Variants in MACROD2 observed in about 807,000 individuals in gnomAD.
The protein encoded by MACROD2 is ADP-ribose glycohydrolase MACROD2.
MACROD2 carries 36 observed loss-of-function variants against 70.4 expected under a neutral mutation model. The observed-to-expected ratio is 0.51, with a 90% CI of 0.39 to 0.68. The LOEUF is 0.68. Ranked by LOEUF, MACROD2 falls within the 30% of genes least tolerant of loss-of-function variation. The pLI is 0.00. For missense variants in MACROD2, 496 were observed against 538.4 expected, an observed-to-expected ratio of 0.92 and a Z score of 0.78; for synonymous variants, 172 against 178.8, an observed-to-expected ratio of 0.96 and a Z score of 0.30.
chr20:14,337,004 C>T (rs1222583913), intron 3 of MACROD2, among the ~76,000 whole-genome samples: 1 of 152,170 alleles, frequency 6.6e-6, no homozygotes, highest in Non-Finnish European at 1.5e-5. Context: ...TTTTCTTTCA[C>T]AGTTGTAAAA....
At chr20:14,843,893 T>G (rs2073112109) in intron 5 of MACROD2, among the ~76,000 whole-genome samples, 1 of 152,122 alleles carries the variant, frequency 6.6e-6, no homozygotes, top group Admixed American at 6.6e-5. Flanking sequence ...CCCTATGTTC[T>G]GATGCTTGCA....
rs143282397 is a variant in MACROD2 at position 14,822,302 on chromosome 20, A to G, written c.418+137343A>G. On this transcript the variant is annotated intron_variant, in intron 5 of 17. Coordinates refer to ENST00000684519, the MANE Select transcript of MACROD2 (RefSeq NM_001351661.2). ...GAAAACCCATAAGATATTGTTCCAC[A>G]TAAGATGGATAACTTTCCACTGAAG... Among the ~76,000 whole-genome samples the G allele has an allele frequency of 3.6e-4, 55 of 152,276 alleles. No homozygotes were observed. The East Asian group carries it at 0.01, about 28-fold the overall frequency.
At position 15,348,666 on chromosome 20, in the gene MACROD2, T is replaced by A. The variant is rs563454576; in HGVS notation, c.541-82739T>A. ...AGGAGGAGCAAAATCACATCTTACA[T>A]GGTGGGAAGCAAGAGAGAGCTTGTG... On this transcript the variant is annotated intron_variant, in intron 6 of 17. Coordinates refer to ENST00000684519, the MANE Select transcript of MACROD2 (RefSeq NM_001351661.2). Among the ~76,000 whole-genome samples, 4 of 152,222 alleles carry A rather than the reference T, an allele frequency of 2.6e-5. No individual in the cohort carries two copies. The South Asian group carries it at 8.3e-4, about 32-fold the overall frequency.
chr20:15,348,633 G>T (rs907724439), intron 6 of MACROD2, among the ~76,000 whole-genome samples: 12 of 152,154 alleles, frequency 7.9e-5, no homozygotes, highest in Non-Finnish European at 1.8e-4. Context: ...AATCATGGCG[G>T]AAGGCAAAGG....
chr20:14,039,862 A>G (rs1390991516), intron 2 of MACROD2, among the ~76,000 whole-genome samples: 2 of 151,844 alleles, frequency 1.3e-5, no homozygotes, highest in African/African-American at 4.8e-5. Flanking sequence ...ATTGAAGACT[A>G]CGCATTTACC....
At chr20:15,605,887 T>C (rs946492551) in intron 8 of MACROD2, among the ~76,000 whole-genome samples, 18 of 152,290 alleles carry the variant, frequency 1.2e-4, no homozygotes, top group African/African-American at 4.3e-4. Flanking sequence ...TATATTTCTA[T>C]TTCTAAGTTA....
chr20:14,144,302 C>T (rs1480293406), intron 3 of MACROD2, among the ~76,000 whole-genome samples: 1 of 152,034 alleles, frequency 6.6e-6, no homozygotes, highest in African/African-American at 2.4e-5. Flanking sequence ...TGTCAATCAC[C>T]GCTTTTTATA....
intron 5 of MACROD2, among the ~76,000 whole-genome samples, chr20:15,208,289 C>T (rs1284939106): frequency 6.6e-6 from 1 of 152,076 alleles, no homozygotes; most frequent in African/African-American, 2.4e-5. Context: ...TACATCTTCT[C>T]TTCTTTGCTG....
intron 3 of MACROD2, among the ~76,000 whole-genome samples, chr20:14,120,966 A>G (rs1017098972): frequency 6.6e-6 from 1 of 151,816 alleles, no homozygotes; most frequent in Non-Finnish European, 1.5e-5. Context: ...ACAAACCATC[A>G]TTACACATGT....
intron 3 of MACROD2, among the ~76,000 whole-genome samples, chr20:14,222,698 T>TATTATTGTTAGATGCG (rs1385987325): frequency 3.3e-5 from 5 of 152,022 alleles, no homozygotes; most frequent in African/African-American, 9.6e-5. Context: ...AAAAGGTGGA[T>TATTATTGTTAGATGCG]ATTATTGTTA....
At chr20:15,292,833 T>A (rs1025226221) in intron 6 of MACROD2, among the ~76,000 whole-genome samples, 7 of 152,234 alleles carry the variant, frequency 4.6e-5, no homozygotes, top group Non-Finnish European at 8.8e-5. Flanking sequence ...CAACTGTATT[T>A]TTTTTCATTT....
At chr20:15,045,719 G>GTTTTTTTTTTTTTTT (rs71335981) in intron 5 of MACROD2, among the ~76,000 whole-genome samples, 3 of 73,402 alleles carry the variant, frequency 4.1e-5, no homozygotes, top group Non-Finnish European at 7.5e-5. Flanking sequence ...CCAGACCAGG[G>GTTTTTTTTTTTTTTT]TTTTTTTTTT....
intron 8 of MACROD2, among the ~76,000 whole-genome samples, chr20:15,512,196 A>G (rs1028857794): frequency 3.3e-5 from 5 of 152,232 alleles, no homozygotes; most frequent in Non-Finnish European, 7.3e-5. Context: ...ACTCACAAGC[A>G]CTTGACATGG....
intron 5 of MACROD2, among the ~76,000 whole-genome samples, chr20:15,183,158 A>G (rs771477148): frequency 9.9e-5 from 15 of 152,132 alleles, no homozygotes; most frequent in Non-Finnish European, 1.9e-4. Flanking sequence ...GTGTTAAGTA[A>G]GAGGGAAGAT....
chr20:14,214,020 G>GC (rs2081593176), intron 3 of MACROD2, among the ~76,000 whole-genome samples: 1 of 152,102 alleles, frequency 6.6e-6, no homozygotes, highest in African/African-American at 2.4e-5. Flanking sequence ...CTTATCTTAA[G>GC]ATGGTTTTGG....
chr20:15,439,825 G>A (rs1007034553), intron 7 of MACROD2, among the ~76,000 whole-genome samples: 1 of 152,116 alleles, frequency 6.6e-6, no homozygotes, highest in Non-Finnish European at 1.5e-5. Context: ...GCCTCGTTTG[G>A]TCAAATACCA....
chr20:15,952,357 A>G (rs2065918372), intron 12 of MACROD2, among the ~76,000 whole-genome samples: 1 of 151,992 alleles, frequency 6.6e-6, no homozygotes, highest in African/African-American at 2.4e-5. Context: ...GTTTCCCTGA[A>G]TCTTCCTTCA....
intron 4 of MACROD2, among the ~76,000 whole-genome samples, chr20:14,500,276 G>A (rs767069072): frequency 2.0e-5 from 3 of 152,208 alleles, no homozygotes; most frequent in Non-Finnish European, 4.4e-5. Flanking sequence ...GAACTCTGGT[G>A]CTGGTGATGT....
chr20:15,295,720 C>G (rs947841869), intron 6 of MACROD2, among the ~76,000 whole-genome samples: 7 of 152,022 alleles, frequency 4.6e-5, no homozygotes, highest in African/African-American at 1.7e-4. Flanking sequence ...CACCAATCCT[C>G]CAGACATAAT....
Sources: allele counts gnomAD v4.1 joint callset (sites outside exome capture counted in the v4.1 genomes callset), GRCh38; gene constraint gnomAD v4.1.1; transcripts MANE v1.5; gene names NCBI Gene and HGNC (gene_info 2026-07-23, HGNC 2026-07-21).